KDM4C: variants seen among roughly 807,000 people sequenced by gnomAD.
The protein encoded by KDM4C is lysine demethylase 4C.
KDM4C carries 81 observed loss-of-function variants against 129.3 expected under a neutral mutation model. The observed-to-expected ratio is 0.63, with a 90% CI of 0.52 to 0.75. The LOEUF (loss-of-function observed/expected upper bound fraction) is 0.75, where lower values mean the gene tolerates loss of function less well. KDM4C is among the 30% of genes least tolerant of loss of function. The probability of loss-of-function intolerance (pLI) is 0.00; values close to 1 mark genes in which losing one functional copy is unlikely to be tolerated. For missense variants in KDM4C, 1,457 were observed against 1,304.0 expected, an observed-to-expected ratio of 1.12 and a Z score of -1.81; for synonymous variants, 573 against 456.1, an observed-to-expected ratio of 1.26 and a Z score of -3.26.
intron 8 of KDM4C, among the ~76,000 whole-genome samples, chr9:6,895,156 GC>G (rs1461470838): frequency 1.3e-5 from 2 of 152,304 alleles, no homozygotes; most frequent in African/African-American, 4.8e-5. Context: ...GTCTCTTGCT[GC>G]TGTAGCAAAT....
At chr9:6,890,904 G>T (rs1307841451) in intron 7 of KDM4C, among the ~76,000 whole-genome samples, 1 of 152,232 alleles carries the variant, frequency 6.6e-6, no homozygotes. Context: ...CTTGAACCGT[G>T]CTGGGCACTG....
chr9:6,969,110 A>C (rs1026816162), intron 8 of KDM4C, among the ~76,000 whole-genome samples: 3 of 152,132 alleles, frequency 2.0e-5, no homozygotes, highest in African/African-American at 7.2e-5. Context: ...TAATTTTTGT[A>C]TTTGTAGCAG....
At chr9:6,927,443 A>G (rs772543327) in intron 8 of KDM4C, among the ~76,000 whole-genome samples, 7 of 152,106 alleles carry the variant, frequency 4.6e-5, no homozygotes, top group Non-Finnish European at 5.9e-5. Context: ...TTTTTCTAAC[A>G]TTTATTCCAT....
intron 19 of KDM4C, among the ~76,000 whole-genome samples, chr9:7,137,461 CTTTAAATGAAA>C (rs762621648): frequency 6.6e-6 from 1 of 152,186 alleles, no homozygotes; most frequent in Non-Finnish European, 1.5e-5. Context: ...TTCGATTACT[CTTTAAATGAAA>C]ATGGTACGTT....
At chr9:6,815,543 C>G (rs1375504689) in intron 4 of KDM4C, among the ~76,000 whole-genome samples, 3 of 152,108 alleles carry the variant, frequency 2.0e-5, no homozygotes, top group Non-Finnish European at 4.4e-5. Context: ...AATTTCTTAT[C>G]TACTGAAAGG....
intron 5 of KDM4C, among the ~76,000 whole-genome samples, chr9:6,857,787 C>T (rs1840137466): frequency 6.7e-6 from 1 of 150,118 alleles, no homozygotes; most frequent in Non-Finnish European, 1.5e-5. Flanking sequence ...CAGGGTCTCG[C>T]TCTGTTGCTC....
At chr9:6,848,176 G>A in intron 4 of KDM4C, among the ~76,000 whole-genome samples, 1 of 152,268 alleles carries the variant, frequency 6.6e-6, no homozygotes, top group South Asian at 2.1e-4. Flanking sequence ...TTACAGGCGT[G>A]AGCCACTGCA....
At chr9:6,762,866 C>T (rs1819833589) in intron 1 of KDM4C, among the ~76,000 whole-genome samples, 1 of 151,886 alleles carries the variant, frequency 6.6e-6, no homozygotes, top group Non-Finnish European at 1.5e-5. Context: ...ACCATGTTGG[C>T]CAGGCTGGGC....
At chr9:6,918,541 T>C (rs1820750075) in intron 8 of KDM4C, among the ~76,000 whole-genome samples, 1 of 152,200 alleles carries the variant, frequency 6.6e-6, no homozygotes, top group Non-Finnish European at 1.5e-5. Context: ...TACCCATCAA[T>C]AGGATTGCTG....
chr9:7,031,903 A>G (rs930096244), intron 15 of KDM4C, among the ~76,000 whole-genome samples: 1 of 152,190 alleles, frequency 6.6e-6, no homozygotes, highest in Non-Finnish European at 1.5e-5. Context: ...CCACTCCCCT[A>G]GTACTGCTAA....
intron 8 of KDM4C, among the ~76,000 whole-genome samples, chr9:6,896,980 C>T (rs867703192): frequency 7.9e-5 from 12 of 152,166 alleles, no homozygotes; most frequent in South Asian, 4.1e-4. Flanking sequence ...CTTCCTGGCT[C>T]TTAAGATTTG....
intron 1 of KDM4C, chr9:6,748,998 G>A (rs778612995): frequency 3.9e-6 from 3 of 775,234 alleles, no homozygotes; most frequent in South Asian, 2.7e-5. Context: ...ATTTCACAAA[G>A]AGCACACTTG....
intron 5 of KDM4C, among the ~76,000 whole-genome samples, chr9:6,855,256 C>T (rs1020889036): frequency 9.9e-5 from 15 of 151,824 alleles, no homozygotes; most frequent in African/African-American, 3.6e-4. Flanking sequence ...GTCAGGAGTT[C>T]GAGACTAGCC....
At chr9:6,872,628 C>G (rs964438477) in intron 5 of KDM4C, among the ~76,000 whole-genome samples, 3 of 152,124 alleles carry the variant, frequency 2.0e-5, no homozygotes, top group African/African-American at 7.2e-5. Context: ...GTAATGCCTT[C>G]TTTGTCTTTT....
At chr9:7,111,698 G>C (rs1236368071) in intron 18 of KDM4C, among the ~76,000 whole-genome samples, 2 of 152,182 alleles carry the variant, frequency 1.3e-5, no homozygotes, top group Non-Finnish European at 2.9e-5. Context: ...AGACATGTCA[G>C]GTTTACGGGG....
At chr9:6,863,737 G>T (rs976843115) in intron 5 of KDM4C, among the ~76,000 whole-genome samples, 3 of 150,634 alleles carry the variant, frequency 2.0e-5, no homozygotes, top group African/African-American at 7.4e-5. Flanking sequence ...AGAGCTTGCA[G>T]TGAGCCGAGA....
Position 6,737,389 on chromosome 9 carries a change from A to G in KDM4C, c.49+16392A>G, listed in dbSNP as rs144784187. 9.5e-3 allele frequency among the ~76,000 whole-genome samples: 1,445 copies of G among 152,112 alleles called. 22 individuals carry two copies. The highest frequency in any genetic ancestry group is 0.033 in the African/African-American group (1,376 of 41,514). On this transcript the variant is annotated intron_variant, in intron 1 of 17. Coordinates refer to the KDM4C transcript ENST00000536108. ...AAGTGAGCAAAGGACGGTCAGGTGC[A>G]GTGGCTCATGCCTGTAATCTCAGCA...
At chr9:6,889,457 G>A (rs1257543956) in intron 7 of KDM4C, among the ~76,000 whole-genome samples, 3 of 152,038 alleles carry the variant, frequency 2.0e-5, no homozygotes, top group Non-Finnish European at 4.4e-5. Flanking sequence ...TGTGCACCGT[G>A]GGGGCTGCCT....
At position 6,986,501 on chromosome 9, in the gene KDM4C, G is replaced by C. The variant is rs1817736885; in HGVS notation, c.1512G>C (p.Glu504Asp). Residue 504 changes from glutamate (E) to aspartate (D), a missense_variant, in exon 11 of 22, where the codon GAG becomes GAC. Physicochemically the swap from Glu to Asp is conservative, Grantham distance 45. Transcript: ENST00000381309. Reference protein sequence around the residue: ...YEKPEKSDPSELSWPKSPESC... With the variant: ...YEKPEKSDPSDLSWPKSPESC... Reference sequence around the variant, plus strand: ...AGCCCGAGAAATCAGACCCATCCGAGCTTTCATGGCCAAAGTCACCTGAGT... The same window carrying C: ...AGCCCGAGAAATCAGACCCATCCGACCTTTCATGGCCAAAGTCACCTGAGT... 6.2e-7 allele frequency: 1 copy of C among 1,614,008 alleles called. No homozygotes were observed. The highest frequency in any genetic ancestry group is 1.7e-5 in the Admixed American group (1 of 59,990).
Sources: allele counts gnomAD v4.1 joint callset (sites outside exome capture counted in the v4.1 genomes callset), GRCh38; gene constraint gnomAD v4.1.1; transcripts MANE v1.5; gene names NCBI Gene and HGNC (gene_info 2026-07-23, HGNC 2026-07-21).